The following DMD variants were observed in gnomAD, a reference collection of about 807,000 sequenced individuals.
DMD encodes the protein dystrophin, also known as mutant dystrophin.
DMD carries 63 observed loss-of-function variants against 330.1 expected under a neutral mutation model. The observed-to-expected ratio is 0.19, with a 90% CI of 0.16 to 0.24. DMD has a LOEUF of 0.24. DMD is among the 10% of genes least tolerant of loss of function. The pLI is 1.00. For synonymous variants in DMD, 1,223 were observed against 959.8 expected (o/e 1.27, Z -5.07); for missense variants, 3,344 against 2,684.1 (o/e 1.25, Z -5.43).
At chrX:32,193,480 C>G (rs1188892236) in intron 44 of DMD, among the ~76,000 whole-genome samples, 2 of 111,867 alleles carry the variant, frequency 1.8e-5, no homozygotes, top group Middle Eastern at 4.6e-3. Flanking sequence ...GGCTTTATGG[C>G]TTCACCTCTG....
At chrX:32,918,589 G>A (rs2088077171) in intron 2 of DMD, among the ~76,000 whole-genome samples, 1 of 111,805 alleles carries the variant, frequency 8.9e-6, no homozygotes, top group African/African-American at 3.3e-5. Context: ...GGGCTCAAGC[G>A]ATCTGCCTGC....
chrX:31,245,016 C>G (rs1045604286), intron 63 of DMD, among the ~76,000 whole-genome samples: 6 of 111,950 alleles, frequency 5.4e-5, no homozygotes, highest in African/African-American at 1.9e-4. Flanking sequence ...ATCAGCACAT[C>G]AAATTGTGTT....
chrX:31,501,125 C>T (rs1569547581), intron 56 of DMD, among the ~76,000 whole-genome samples: 1 of 112,117 alleles, frequency 8.9e-6, no homozygotes, highest in Non-Finnish European at 1.9e-5. Flanking sequence ...CCATATAAGG[C>T]AAATGCCTAT....
intron 44 of DMD, among the ~76,000 whole-genome samples, chrX:32,095,918 T>TA (rs1773378926): frequency 9.1e-6 from 1 of 110,084 alleles, no homozygotes; most frequent in East Asian, 2.9e-4. Context: ...TTTTTTTTTT[T>TA]ATTATACTTT....
At chrX:32,490,574 A>C (rs749854196) in intron 20 of DMD, among the ~76,000 whole-genome samples, 3 of 111,034 alleles carry the variant, frequency 2.7e-5, no homozygotes, top group African/African-American at 9.8e-5. Flanking sequence ...GAAAAAAGTG[A>C]AGTGGGGTGT....
intron 42 of DMD, among the ~76,000 whole-genome samples, chrX:32,289,960 C>T (rs955089309): frequency 4.2e-4 from 47 of 111,698 alleles, no homozygotes; most frequent in African/African-American, 1.5e-3. Flanking sequence ...CTTGCTTTTA[C>T]TTTTTTTAAA....
chrX:32,620,403 T>C (rs929676916), intron 11 of DMD, among the ~76,000 whole-genome samples: 13 of 112,256 alleles, frequency 1.2e-4, no homozygotes, highest in Non-Finnish European at 2.3e-4. Flanking sequence ...TCTTCCAATA[T>C]GCATTTCATA....
intron 4 of DMD, among the ~76,000 whole-genome samples, chrX:32,843,966 T>C (rs1300759575): frequency 8.9e-6 from 1 of 112,636 alleles, no homozygotes; most frequent in African/African-American, 3.2e-5. Flanking sequence ...AAAATAGTGA[T>C]GTTTCTGTAT....
chrX:31,191,672 C>A (rs780981325), intron 67 of DMD, among the ~76,000 whole-genome samples: 87 of 111,858 alleles, frequency 7.8e-4, no homozygotes, highest in Admixed American at 3.4e-3. Context: ...GTGAGGCCTC[C>A]CCAGCCACGT....
rs1353067010 is a variant in DMD, at chrX:32,030,575, G to A, written c.6439-62061C>T. Among the ~76,000 whole-genome samples the A allele has an allele frequency of 2.7e-5, 3 of 111,746 alleles. 1 individual carries two copies. Among genetic ancestry groups the A allele is most frequent in the African/African-American group, 9.8e-5 (3 of 30,753 alleles). ...TGAATCTTACACTTCAAGTAATGGG[G>A]GATGATGTAAATTTGGCATTGAAGA... On this transcript the variant is annotated intron_variant, in intron 44 of 78. Coordinates refer to ENST00000357033, the MANE Select transcript of DMD (RefSeq NM_004006.3).
At chrX:32,226,519 T>C (rs1296789091) in intron 43 of DMD, among the ~76,000 whole-genome samples, 1 of 112,095 alleles carries the variant, frequency 8.9e-6, no homozygotes, top group Non-Finnish European at 1.9e-5. Flanking sequence ...AGATGTTTTA[T>C]GCACCTTTGA....
chrX:32,664,228 C>G (rs747503968), intron 9 of DMD, among the ~76,000 whole-genome samples: 1 of 106,496 alleles, frequency 9.4e-6, no homozygotes, highest in South Asian at 4.2e-4. Flanking sequence ...TTAAGGTGGA[C>G]CTGGCATAGG....
chrX:32,741,055 C>T (rs2069194150), intron 7 of DMD, among the ~76,000 whole-genome samples: 2 of 111,350 alleles, frequency 1.8e-5, no homozygotes, highest in East Asian at 2.8e-4. Flanking sequence ...ATTTGGTAAC[C>T]TTTAGAAAAT....
chrX:31,395,791 CTATT>C (rs201606953), intron 60 of DMD, among the ~76,000 whole-genome samples: 1,946 of 112,000 alleles, frequency 0.017, 43 homozygotes, highest in African/African-American at 0.06. Flanking sequence ...AAATAAAACT[CTATT>C]TATTTAAGCC....
chrX:31,601,132 G>A (rs769303421), intron 55 of DMD, among the ~76,000 whole-genome samples: 18 of 111,952 alleles, frequency 1.6e-4, no homozygotes, highest in African/African-American at 5.5e-4. Flanking sequence ...AAAGTTATCA[G>A]TAAACTGTAA....
At chrX:32,317,105 T>G (rs755385850) in intron 41 of DMD, among the ~76,000 whole-genome samples, 3 of 111,379 alleles carry the variant, frequency 2.7e-5, no homozygotes, top group Non-Finnish European at 5.7e-5. Context: ...TCAACTTGCT[T>G]TTGTTAATGT....
chrX:31,622,550 C>T (rs975228839), intron 55 of DMD, among the ~76,000 whole-genome samples: 4 of 109,966 alleles, frequency 3.6e-5, no homozygotes, highest in African/African-American at 1.3e-4. Flanking sequence ...TCCCTTATAA[C>T]AAGAGGAAGT....
intron 60 of DMD, among the ~76,000 whole-genome samples, chrX:31,388,069 G>A (rs751108286): frequency 9.6e-6 from 1 of 104,590 alleles, no homozygotes; most frequent in African/African-American, 3.5e-5. Flanking sequence ...GCACGATCTC[G>A]GCTCACTGCA....
intron 55 of DMD, among the ~76,000 whole-genome samples, chrX:31,601,254 T>A (rs767320832): frequency 8.9e-6 from 1 of 112,439 alleles, no homozygotes; most frequent in Non-Finnish European, 1.9e-5. Flanking sequence ...TAACTTGATA[T>A]AGGATTGATG....
Sources: gnomAD v4.1 joint callset for allele counts (sites outside exome capture counted in the v4.1 genomes callset) on GRCh38, gnomAD v4.1.1 for gene constraint, MANE v1.5 for transcripts, NCBI Gene and HGNC (gene_info 2026-07-23, HGNC 2026-07-21) for gene names.